The following CCDC13 variants were observed in gnomAD, a reference collection of about 807,000 sequenced individuals.
The protein encoded by CCDC13 is coiled-coil domain-containing protein 13.
CCDC13 carries 70 observed loss-of-function variants against 87.3 expected under a neutral mutation model. The ratio of observed to expected loss-of-function variants is 0.80; its 90% CI spans 0.66 to 0.98. The LOEUF is 0.98. CCDC13 is among the 50% of genes least tolerant of loss of function. CCDC13 has a pLI of 0.00. For missense variants in CCDC13, 842 were observed against 892.0 expected (o/e 0.94, Z 0.71); for synonymous variants, 317 against 360.3 (o/e 0.88, Z 1.36).
intron 13 of CCDC13, 38 bp from the exon 14 acceptor site, chr3:42,713,354 C>T: frequency 6.2e-7 from 1 of 1,605,806 alleles, no homozygotes; most frequent in Non-Finnish European, 8.5e-7. Context: ...CATGCCCTGG[C>T]AGGCAGGGGC....
chr3:42,756,066 C>T (rs1029692758), intron 3 of CCDC13, among the ~76,000 whole-genome samples: 4 of 152,196 alleles, frequency 2.6e-5, no homozygotes, highest in Non-Finnish European at 4.4e-5. Context: ...CCAAATTCCC[C>T]TTGCTTTGTA....
intron 5 of CCDC13, chr3:42,750,021 G>A: frequency 4.5e-6 from 2 of 447,292 alleles, no homozygotes; most frequent in Non-Finnish European, 9.0e-6. Flanking sequence ...AGAACACGTG[G>A]TGCTGATGAA....
intron 8 of CCDC13, among the ~76,000 whole-genome samples, chr3:42,742,247 G>A (rs1341644076): frequency 1.3e-5 from 2 of 152,176 alleles, no homozygotes; most frequent in African/African-American, 4.8e-5. Flanking sequence ...TCAATTCTGG[G>A]ACTTTGTTGG....
chr3:42,714,054 A>G (rs977100918), intron 13 of CCDC13: 1 of 152,214 alleles, frequency 6.6e-6, no homozygotes, highest in Non-Finnish European at 1.5e-5. Context: ...GGTCAATTTC[A>G]CCTTCTAGGA....
At chr3:42,712,435 A>G (rs921734749) in intron 14 of CCDC13, among the ~76,000 whole-genome samples, 7 of 152,164 alleles carry the variant, frequency 4.6e-5, no homozygotes, top group Admixed American at 2.0e-4. Flanking sequence ...GCTCATCTGA[A>G]TACTGCACCT....
At chr3:42,753,383 G>A (rs1699632060) in intron 3 of CCDC13, among the ~76,000 whole-genome samples, 1 of 152,176 alleles carries the variant, frequency 6.6e-6, no homozygotes, top group Admixed American at 6.5e-5. Flanking sequence ...TTATGTGGTT[G>A]TTTCTTAGAA....
At chr3:42,756,202 T>G (rs1297564836) in intron 3 of CCDC13, among the ~76,000 whole-genome samples, 1 of 152,204 alleles carries the variant, frequency 6.6e-6, no homozygotes, top group African/African-American at 2.4e-5. Flanking sequence ...CCGTGATTGG[T>G]GACATCTATA....
intron 3 of CCDC13, 124 bp from the exon 4 acceptor site, chr3:42,752,841 G>C (rs55904344): frequency 0.26 from 307,709 of 1,179,780 alleles, 41,934 homozygotes; most frequent in Non-Finnish European, 0.27. Context: ...CTCATAAAGG[G>C]GCACTAACTT....
Position 42,706,364 on chromosome 3 carries a change from A to G in CCDC13, c.*2616T>C, listed in dbSNP as rs1698179555. ...GAGGGAACACTAAGAGCGAATAATT[A>G]TTAAGCGCTTACTGTGTGCGAGCAG... On this transcript the variant is annotated 3_prime_UTR_variant, in exon 16 of 16. Coordinates refer to ENST00000310232, the MANE Select transcript of CCDC13 (RefSeq NM_144719.4). 2 of 152,272 alleles carry G rather than the reference A, an allele frequency of 1.3e-5. No homozygotes were observed. Among genetic ancestry groups the G allele is most frequent in the Admixed American group, 1.3e-4 (2 of 15,288 alleles). The allele number at this position is 152,272 out of a possible 1,614,324, so 9.4% of individuals were successfully genotyped here.
rs1394175797 is a variant in CCDC13, at chr3:42,740,950, T to C, written c.988-1140A>G. The C allele has an allele frequency of 2.6e-5, 4 of 152,188 alleles. 1 individual carries two copies. The highest frequency in any genetic ancestry group is 9.7e-5 in the African/African-American group (4 of 41,432). The allele number at this position is 152,188 out of a possible 1,614,324, so 9.4% of individuals were successfully genotyped here. ...CAGGGAGGCAGCCATTACTCACCTG[T>C]TGCTCTCCTGCCTACACACTCCAGG... On this transcript the variant is annotated intron_variant, in intron 8 of 15. Coordinates refer to ENST00000310232, the MANE Select transcript of CCDC13 (RefSeq NM_144719.4).
At chr3:42,759,307 CAAA>C (rs36014297) in intron 1 of CCDC13, among the ~76,000 whole-genome samples, 1 of 126,888 alleles carries the variant, frequency 7.9e-6, no homozygotes. Flanking sequence ...ACCCTGTCTC[CAAA>C]AAAAAAAAAA....
At chr3:42,704,731 G>A (rs1394747377), downstream of CCDC13, 1 of 152,756 alleles carries the variant, frequency 6.5e-6, no homozygotes, top group Non-Finnish European at 1.5e-5. Flanking sequence ...GTGTCTGAGG[G>A]GGGTGGCAGG....
chr3:42,720,604 G>A (rs1698537869), intron 13 of CCDC13, among the ~76,000 whole-genome samples: 1 of 152,134 alleles, frequency 6.6e-6, no homozygotes, highest in South Asian at 2.1e-4. Flanking sequence ...ATGTGTTTTT[G>A]GTGAAAAATT....
chr3:42,754,813 T>C (rs1017565441), intron 3 of CCDC13, among the ~76,000 whole-genome samples: 6 of 152,074 alleles, frequency 3.9e-5, no homozygotes, highest in Non-Finnish European at 8.8e-5. Context: ...TCAGACAGAA[T>C]GGAAAAAATC....
At chr3:42,758,537 C>T (rs1699761195) in intron 1 of CCDC13, among the ~76,000 whole-genome samples, 186 bp from the exon 2 acceptor site, 2 of 152,194 alleles carry the variant, frequency 1.3e-5, no homozygotes, top group Non-Finnish European at 2.9e-5. Flanking sequence ...ACTGAGCATC[C>T]TCCCCAGTTC....
chr3:42,771,103 T>G (rs565346508), intron 1 of CCDC13: 1 of 152,290 alleles, frequency 6.6e-6, no homozygotes, highest in African/African-American at 2.4e-5. Flanking sequence ...GGTACACTCA[T>G]ACCGGTGAAT....
Position 42,733,458 on chromosome 3 carries a change from T to C in CCDC13, c.1511+12A>G, listed in dbSNP as rs748871361. On this transcript the variant is annotated intron_variant, in intron 11 of 15. Coordinates refer to ENST00000310232, the MANE Select transcript of CCDC13 (RefSeq NM_144719.4). The stretch of plus-strand genomic sequence containing the variant: ...TTCACTTTCCAACCCCTCCCTCCCA[T>C]TGTTTTCTTACCGAGAAGATCCAAG... 3.1e-6 allele frequency: 5 copies of C among 1,613,984 alleles called. No homozygotes were observed. Among genetic ancestry groups the C allele is most frequent in the East Asian group, 2.2e-5 (1 of 44,868 alleles).
At chr3:42,751,110 A>C (rs539420614) in intron 5 of CCDC13, among the ~76,000 whole-genome samples, 1 of 152,194 alleles carries the variant, frequency 6.6e-6, no homozygotes, top group African/African-American at 2.4e-5. Context: ...ATCCTCAAGG[A>C]AGGCACAGGG....
chr3:42,748,849 G>A lies in CCDC13; in HGVS notation c.604-1476C>T, dbSNP rs150287400. ...AGCTCACTGCAACCTCCGCCCCCCC[G>A]GGTTGAAGCGATTCTCCTGCCTCAG... On this transcript the variant is annotated intron_variant, in intron 5 of 15. Coordinates refer to ENST00000310232, the MANE Select transcript of CCDC13 (RefSeq NM_144719.4). Among the ~76,000 whole-genome samples, 971 of 152,188 alleles carry A rather than the reference G, an allele frequency of 6.4e-3. 16 individuals carry two copies. Among genetic ancestry groups the A allele is most frequent in the South Asian group, 0.024 (116 of 4,816 alleles).
Sources: allele counts gnomAD v4.1 joint callset (sites outside exome capture counted in the v4.1 genomes callset), GRCh38; gene constraint gnomAD v4.1.1; transcripts MANE v1.5; gene names NCBI Gene and HGNC (gene_info 2026-07-23, HGNC 2026-07-21).